The following LSS variants were observed in gnomAD, a reference collection of about 807,000 sequenced individuals.
The protein encoded by LSS is lanosterol synthase.
Under a neutral mutation model 110.3 loss-of-function variants are expected in LSS, and 90 were observed. The ratio of observed to expected loss-of-function variants is 0.82; its 90% CI spans 0.69 to 0.97. The LOEUF (loss-of-function observed/expected upper bound fraction) is 0.97, where lower values mean the gene tolerates loss of function less well. LSS is among the 50% of genes least tolerant of loss of function. The pLI is 0.00. For synonymous variants in LSS, 433 were observed against 400.0 expected, an observed-to-expected ratio of 1.08 and a Z score of -0.98; for missense variants, 927 against 990.0, an observed-to-expected ratio of 0.94 and a Z score of 0.85.
In LSS at chr21:46,191,301, G is replaced by A. The variant is rs2079811730; in HGVS notation, c.2068-66C>T. ...TCAGCTGAGGGCTAGTCCCTGAACT[G>A]GAGCCCTGGCTGTTGGCTTGGCTGG... On this transcript the variant is annotated intron_variant, in intron 21 of 21. Coordinates refer to ENST00000397728, the MANE Select transcript of LSS (RefSeq NM_002340.6). 38 of 1,585,024 alleles carry A rather than the reference G, an allele frequency of 2.4e-5. 2 individuals carry two copies. The South Asian group carries it at 3.8e-4, about 16-fold the overall frequency.
At chr21:46,191,743 G>A in intron 21 of LSS, 138 bp downstream of exon 21, 1 of 701,030 alleles carries the variant, frequency 1.4e-6, no homozygotes, top group Non-Finnish European at 2.5e-6. Context: ...CACCAACTGT[G>A]GCATTCACTG....
chr21:46,206,029 T>C (rs2080044511), intron 16 of LSS, 88 bp from the exon 17 acceptor site: 4 of 1,036,516 alleles, frequency 3.9e-6, no homozygotes, highest in Non-Finnish European at 5.8e-6. Context: ...CAAGCAAGAG[T>C]GTTGCAGTGA....
intron 9 of LSS, among the ~76,000 whole-genome samples, 160 bp from the exon 10 acceptor site, chr21:46,213,995 G>C (rs1236670699): frequency 6.6e-6 from 1 of 152,262 alleles, no homozygotes; most frequent in Non-Finnish European, 1.5e-5. Flanking sequence ...CATTTCCTGA[G>C]CGAGGATGGG....
chr21:46,218,873 C>T lies in LSS; in HGVS notation c.647+603G>A, dbSNP rs915650898. On this transcript the variant is annotated intron_variant, in intron 6 of 21. Transcript: ENST00000397728. ...CCCGAGTAGCTGGAAACTAGAGGCA[C>T]GCGCCGCCACGCCCAGCTAATTTTT... Among the ~76,000 whole-genome samples the T allele has an allele frequency of 2.6e-5, 4 of 151,986 alleles. No individual in the cohort carries two copies. The East Asian group carries it at 7.9e-4, about 30-fold the overall frequency.
chr21:46,207,064 A>G (rs1204413597), intron 15 of LSS, among the ~76,000 whole-genome samples: 1 of 152,230 alleles, frequency 6.6e-6, no homozygotes, highest in African/African-American at 2.4e-5. Context: ...ACTGGGAAAC[A>G]CACACAAAAG....
At chr21:46,225,458 C>T in intron 3 of LSS, 1 of 449,658 alleles carries the variant, frequency 2.2e-6, no homozygotes, top group South Asian at 1.6e-5. Context: ...GGGAATCTCC[C>T]TTTCCCCGGG....
Position 46,212,058 on chromosome 21 carries a change from A to AG in LSS, c.1137+966dup, listed in dbSNP as rs1416884626. Reference sequence around the variant, plus strand: ...GGTGCTGAGGGAGCGCTGGGCAGGGAGGGGCAGGGAGGGGACAGGGAGGGG... The same window carrying AG: ...GGTGCTGAGGGAGCGCTGGGCAGGGAGGGGGCAGGGAGGGGACAGGGAGGGG... On this transcript the variant is annotated intron_variant, in intron 11 of 21. Coordinates refer to ENST00000397728, the MANE Select transcript of LSS (RefSeq NM_002340.6). 9.8e-4 allele frequency among the ~76,000 whole-genome samples: 45 copies of AG among 46,114 alleles called. 1 individual carries two copies. In the East Asian group the frequency reaches 0.021, roughly 21 times the overall value. The allele number at this position is 46,114 out of a possible 152,430, so 30.3% of individuals were successfully genotyped here.
At chr21:46,222,280 G>A (rs1366295532) in intron 4 of LSS, 1 of 530,292 alleles carries the variant, frequency 1.9e-6, no homozygotes. Flanking sequence ...CTCCCAAAGT[G>A]TGTGCCACAT....
At chr21:46,192,382 TGCCCTCAGGG>T (rs1436915314) in intron 20 of LSS, 2 of 419,576 alleles carry the variant, frequency 4.8e-6, no homozygotes, top group East Asian at 6.8e-5. Flanking sequence ...CTGACTGTCC[TGCCCTCAGGG>T]GTCCCCCAGA....
In LSS at chr21:46,194,746, G is replaced by T. The variant is rs2277824; in HGVS notation, c.1818-85C>A. The T allele has an allele frequency of 0.15, 214,269 of 1,408,130 alleles. 21,513 individuals carry two copies. The highest frequency in any genetic ancestry group is 0.61 in the East Asian group (25,635 of 42,108). The allele number at this position is 1,408,130 out of a possible 1,614,324, so 87.2% of individuals were successfully genotyped here. A position where few individuals can be genotyped will look rare whatever the true frequency, so the allele number is the denominator to read the frequency against. On this transcript the variant is annotated intron_variant, in intron 19 of 21. Coordinates refer to ENST00000397728, the MANE Select transcript of LSS (RefSeq NM_002340.6). The stretch of plus-strand genomic sequence containing the variant: ...TCTCACCCCAGCAGGCTGCCTTGGG[G>T]TACGGGGAGGAGCCTGCACGATGGG...
At chr21:46,212,715 C>T (rs528550113) in intron 11 of LSS, among the ~76,000 whole-genome samples, 1 of 152,364 alleles carries the variant, frequency 6.6e-6, no homozygotes, top group East Asian at 1.9e-4. Flanking sequence ...CCAGAGCCAC[C>T]TCCTGCCACA....
Position 46,215,754 on chromosome 21 carries a change from C to T in LSS, c.823G>A (p.Ala275Thr). The T allele has an allele frequency of 4.3e-6, 7 of 1,612,932 alleles. No individual in the cohort carries two copies. Among genetic ancestry groups the T allele is most frequent in the Non-Finnish European group, 5.9e-6 (7 of 1,179,430 alleles). ...TCGGGGGCCACGTTGTTCCTCTGCG[C>T]CAGCCAGTCAATGCTGGCGAAGTCC... ...VEDFASIDWL[A>T]QRNNVAPDEL... The change falls in exon 8 of 22, where the codon GCG (alanine) becomes ACG (threonine). Residue 275 changes from alanine (A) to threonine (T), a missense_variant. Ala to Thr is a moderately conservative substitution (Grantham distance 58, BLOSUM62 0). Transcript: ENST00000397728.
rs574584269 is a variant in LSS at position 46,217,854 on chromosome 21, T to C, written c.648-1330A>G. ...CGAGGCGCAGAGTCCAGCGGGCATT[T>C]GAATGGCCCCAGGACACCTCCCAAC... is the stretch of plus-strand genomic sequence containing the variant. On this transcript the variant is annotated intron_variant, in intron 6 of 21. Coordinates refer to ENST00000397728, the MANE Select transcript of LSS (RefSeq NM_002340.6). Among the ~76,000 whole-genome samples the C allele has an allele frequency of 2.1e-3, 323 of 152,256 alleles. 1 individual carries two copies. The highest frequency in any genetic ancestry group is 7.3e-3 in the African/African-American group (302 of 41,548).
chr21:46,214,050 G>T (rs373514891), intron 9 of LSS, among the ~76,000 whole-genome samples: 1 of 152,212 alleles, frequency 6.6e-6, no homozygotes, highest in Non-Finnish European at 1.5e-5. Context: ...AGGCAGTGTC[G>T]GCCAAGGCCA....
intron 3 of LSS, chr21:46,225,491 C>A (rs963585071): frequency 4.6e-6 from 2 of 434,444 alleles, no homozygotes; most frequent in South Asian, 3.2e-5. Flanking sequence ...AGACTCTACT[C>A]CTCCACCTCT....
At position 46,221,818 on chromosome 21, in the gene LSS, G is replaced by A. The variant is rs376136442; in HGVS notation, c.550+36C>T. 80 of 1,612,522 alleles carry A rather than the reference G, an allele frequency of 5.0e-5. No individual in the cohort carries two copies. The South Asian group carries it at 5.6e-4, about 11-fold the overall frequency. On this transcript the variant is annotated intron_variant, in intron 5 of 21. Coordinates refer to ENST00000397728, the MANE Select transcript of LSS (RefSeq NM_002340.6). ...TGAGAGCTCATTATCGAGTTGACAC[G>A]AACCCCTGGCCCAGCACATGCTGCA...
intron 20 of LSS, chr21:46,193,529 T>C (rs1701401181): frequency 4.5e-6 from 2 of 440,668 alleles, no homozygotes; most frequent in Admixed American, 4.8e-5. Context: ...TCTGTCTCCA[T>C]GTACCTACGT....
intron 17 of LSS, among the ~76,000 whole-genome samples, chr21:46,204,369 A>C (rs2080018947): frequency 1.3e-5 from 2 of 152,124 alleles, no homozygotes; most frequent in African/African-American, 4.8e-5. Context: ...CTTTAAAAAC[A>C]GAATCAAAGA....
chr21:46,204,629 A>AAAAAGAAAGAAAG (rs562044132), intron 17 of LSS, among the ~76,000 whole-genome samples: 1 of 151,636 alleles, frequency 6.6e-6, no homozygotes, highest in Non-Finnish European at 1.5e-5. Context: ...TCTCAAAAAA[A>AAAAAGAAAGAAAG]AAAGAAAGAA....
Sources: gnomAD v4.1 joint callset for allele counts (sites outside exome capture counted in the v4.1 genomes callset) on GRCh38, gnomAD v4.1.1 for gene constraint, MANE v1.5 for transcripts, NCBI Gene and HGNC (gene_info 2026-07-23, HGNC 2026-07-21) for gene names.